CACNG3: variants seen among roughly 807,000 people sequenced by gnomAD.
CACNG3 encodes voltage-dependent calcium channel gamma-3 subunit.
A neutral mutation model predicts 28.5 loss-of-function variants in CACNG3; 3 were observed. That is an observed-to-expected ratio of 0.11 (90% CI 0.05 to 0.27). CACNG3 has a LOEUF of 0.27. Ranked by LOEUF, CACNG3 falls within the 10% of genes least tolerant of loss-of-function variation. The probability of loss-of-function intolerance (pLI) is 1.00; values close to 1 mark genes in which losing one functional copy is unlikely to be tolerated. For synonymous variants in CACNG3, 174 were observed against 162.2 expected, an observed-to-expected ratio of 1.07 and a Z score of -0.55; for missense variants, 236 against 414.4, an observed-to-expected ratio of 0.57 and a Z score of 3.74.
At chr16:24,341,042 A>G (rs1434974940) in intron 1 of CACNG3, among the ~76,000 whole-genome samples, 1 of 152,204 alleles carries the variant, frequency 6.6e-6, no homozygotes, top group Non-Finnish European at 1.5e-5. Context: ...CATCTTCTAC[A>G]GTGGGTGGGC....
At chr16:24,280,676 C>T (rs1034511280) in intron 1 of CACNG3, among the ~76,000 whole-genome samples, 15 of 151,730 alleles carry the variant, frequency 9.9e-5, no homozygotes, top group African/African-American at 3.1e-4. Context: ...ATTAGCTGGG[C>T]GTGGTGGTGC....
intron 1 of CACNG3, among the ~76,000 whole-genome samples, chr16:24,258,615 G>T (rs1004747231): frequency 2.6e-5 from 4 of 152,208 alleles, no homozygotes; most frequent in African/African-American, 9.6e-5. Context: ...TTGTGATTGG[G>T]TATGGTGAAG....
chr16:24,341,905 A>C (rs1899794144), intron 1 of CACNG3, among the ~76,000 whole-genome samples: 1 of 152,212 alleles, frequency 6.6e-6, no homozygotes. Context: ...GAAATGTGAG[A>C]CAGAGGTCCC....
chr16:24,339,232 A>G (rs1394778844), intron 1 of CACNG3, among the ~76,000 whole-genome samples: 3 of 152,210 alleles, frequency 2.0e-5, no homozygotes, highest in East Asian at 1.9e-4. Flanking sequence ...TTGAAAAAAT[A>G]TCATAGTAAA....
At chr16:24,345,373 G>C (rs1053011463) in intron 1 of CACNG3, among the ~76,000 whole-genome samples, 1 of 152,140 alleles carries the variant, frequency 6.6e-6, no homozygotes, top group Non-Finnish European at 1.5e-5. Context: ...CTGGTTAACT[G>C]TCTAGTTAAC....
chr16:24,351,297 A>C (rs1356100054), intron 2 of CACNG3, among the ~76,000 whole-genome samples: 1 of 152,048 alleles, frequency 6.6e-6, no homozygotes, highest in Admixed American at 6.6e-5. Flanking sequence ...TCAGCCAGGC[A>C]TGGTGGCTCA....
intron 1 of CACNG3, among the ~76,000 whole-genome samples, chr16:24,294,895 T>C (rs1285580926): frequency 6.6e-6 from 1 of 152,204 alleles, no homozygotes; most frequent in Non-Finnish European, 1.5e-5. Context: ...AAAAGGACTT[T>C]GAGAATGATA....
chr16:24,288,012 A>G (rs1898916649), intron 1 of CACNG3, among the ~76,000 whole-genome samples: 1 of 152,224 alleles, frequency 6.6e-6, no homozygotes, highest in Non-Finnish European at 1.5e-5. Flanking sequence ...GGAAGAAAGA[A>G]AATGAATTCA....
chr16:24,305,215 G>A (rs148705743), intron 1 of CACNG3, among the ~76,000 whole-genome samples: 13 of 152,106 alleles, frequency 8.5e-5, no homozygotes, highest in Non-Finnish European at 1.6e-4. Context: ...ATGGGGATGA[G>A]GAATATGGGA....
intron 1 of CACNG3, among the ~76,000 whole-genome samples, chr16:24,277,684 G>A (rs1446554793): frequency 2.0e-5 from 3 of 151,598 alleles, no homozygotes; most frequent in Admixed American, 6.6e-5. Flanking sequence ...GGAGGCTGAG[G>A]CAGGAGAATC....
intron 3 of CACNG3, among the ~76,000 whole-genome samples, chr16:24,355,596 A>C (rs1484911768): frequency 1.3e-5 from 2 of 152,142 alleles, no homozygotes; most frequent in African/African-American, 4.8e-5. Flanking sequence ...AAAATAAATA[A>C]GTAAATGTAA....
At chr16:24,342,338 A>T (rs1230955708) in intron 1 of CACNG3, among the ~76,000 whole-genome samples, 1 of 152,238 alleles carries the variant, frequency 6.6e-6, no homozygotes, top group Non-Finnish European at 1.5e-5. Flanking sequence ...AATGTGCAAA[A>T]GAGTATTGCA....
At chr16:24,323,985 C>T (rs530984855) in intron 1 of CACNG3, among the ~76,000 whole-genome samples, 1 of 152,306 alleles carries the variant, frequency 6.6e-6, no homozygotes, top group East Asian at 1.9e-4. Context: ...CCAGGCTGGT[C>T]TCGAATTCCT....
intron 1 of CACNG3, among the ~76,000 whole-genome samples, chr16:24,282,236 G>A (rs910229035): frequency 2.0e-5 from 3 of 152,146 alleles, no homozygotes; most frequent in South Asian, 2.1e-4. Context: ...GAATTAAACA[G>A]TGGAACAGAG....
intron 1 of CACNG3, among the ~76,000 whole-genome samples, chr16:24,344,345 G>C (rs1254178587): frequency 6.6e-6 from 1 of 151,714 alleles, no homozygotes; most frequent in African/African-American, 2.4e-5. Context: ...GGAGGTGGAG[G>C]TTGCAGCGAG....
At position 24,345,677 on chromosome 16, in the gene CACNG3, G is replaced by A. The variant is rs1322062142; in HGVS notation, c.212-1057G>A. Among the ~76,000 whole-genome samples, 9 of 152,196 alleles carry A rather than the reference G, an allele frequency of 5.9e-5. No homozygotes were observed. In the South Asian group the frequency reaches 1.4e-3, roughly 25 times the overall value. Reference sequence around the variant, plus strand: ...ATCGTGCCATTGCAATCCAAACTGGGCGACAAGAGAGAAACTCTGTCTCAA... The same window carrying A: ...ATCGTGCCATTGCAATCCAAACTGGACGACAAGAGAGAAACTCTGTCTCAA... On this transcript the variant is annotated intron_variant, in intron 1 of 3. Transcript: ENST00000005284.
intron 1 of CACNG3, among the ~76,000 whole-genome samples, chr16:24,300,133 CTA>C (rs897302421): frequency 6.6e-5 from 10 of 152,236 alleles, no homozygotes; most frequent in African/African-American, 2.2e-4. Context: ...GTGGTTATTT[CTA>C]TGTTTGTTTT....
At chr16:24,334,753 C>T (rs905030716) in intron 1 of CACNG3, among the ~76,000 whole-genome samples, 2 of 152,218 alleles carry the variant, frequency 1.3e-5, no homozygotes, top group African/African-American at 4.8e-5. Flanking sequence ...CTCTGTCTGG[C>T]CTTTGGCCAA....
Position 24,256,761 on chromosome 16 carries a change from A to G in CACNG3, c.7A>G (p.Met3Val). 2.5e-6 allele frequency: 4 copies of G among 1,609,596 alleles called. No individual in the cohort carries two copies. Among genetic ancestry groups the G allele is most frequent in the Non-Finnish European group, 3.4e-6 (4 of 1,176,004 alleles). ...CAGAGTACCATGAAGAATTATGAGG[A>G]TGTGTGACAGAGGTATCCAGATGTT... MR[M>V]CDRGIQMLIT... The change falls in exon 1 of 4, where the codon ATG becomes GTG. Residue 3 changes from methionine (M) to valine (V), a missense_variant. By Grantham distance (21) the Met-to-Val change is conservative. Around this residue, in one of 2 missense-constraint regions of CACNG3, gnomAD observed 120 missense variants for 263.4 expected, o/e 0.46. Coordinates refer to ENST00000005284, the MANE Select transcript of CACNG3 (RefSeq NM_006539.4). The surrounding 1 kb of genome is among the most constrained non-coding windows in gnomAD (Gnocchi z 4.6).
Sources: gnomAD v4.1 joint callset for allele counts (sites outside exome capture counted in the v4.1 genomes callset) on GRCh38, gnomAD v4.1.1 for gene constraint, gnomAD v4.1.1 regional missense constraint, Gnocchi (gnomAD v3.1) non-coding constraint, MANE v1.5 for transcripts, NCBI Gene and HGNC (gene_info 2026-07-23, HGNC 2026-07-21) for gene names.